Variants in WASHC2C observed in about 807,000 individuals in gnomAD.
WASHC2C encodes the protein WASH complex subunit 2C, also known as Vaccinia Penetration Factor.
WASHC2C carries 73 observed loss-of-function variants against 142.2 expected under a neutral mutation model. The ratio of observed to expected loss-of-function variants is 0.51; its 90% CI spans 0.43 to 0.62. WASHC2C has a LOEUF of 0.62. Ranked by LOEUF, WASHC2C falls within the 20% of genes least tolerant of loss-of-function variation. The pLI is 0.00. For missense variants in WASHC2C, 969 were observed against 1,531.7 expected (o/e 0.63, Z 6.13); for synonymous variants, 337 against 565.5 (o/e 0.60, Z 5.73).
Position 45,787,909 on chromosome 10 carries a change from T to C in WASHC2C, c.3087+662T>C, listed in dbSNP as rs2442916. 1.0e-3 allele frequency among the ~76,000 whole-genome samples: 154 copies of C among 152,314 alleles called. 1 individual carries two copies. Among genetic ancestry groups the C allele is most frequent in the African/African-American group, 3.3e-3 (136 of 41,578 alleles). On this transcript the variant is annotated intron_variant, in intron 28 of 30. Coordinates refer to ENST00000623400, the MANE Select transcript of WASHC2C (RefSeq NM_001330074.2). Reference sequence around the variant, plus strand: ...GGGATCTCCTCAATGGACTGTGAACTCTTTGAAGTTTTCCTTTCATTGTAG... The same window carrying C: ...GGGATCTCCTCAATGGACTGTGAACCCTTTGAAGTTTTCCTTTCATTGTAG...
At chr10:45,749,188 G>A (rs1465821845) in intron 8 of WASHC2C, among the ~76,000 whole-genome samples, 8 of 151,716 alleles carry the variant, frequency 5.3e-5, no homozygotes, top group South Asian at 2.1e-4. Flanking sequence ...TAATCCCAGC[G>A]CTTTGGGAAG....
intron 5 of WASHC2C, among the ~76,000 whole-genome samples, chr10:45,742,978 G>A (rs1283764785): frequency 1.3e-5 from 2 of 150,968 alleles, no homozygotes; most frequent in Non-Finnish European, 2.9e-5. Flanking sequence ...GGGTTCAAGT[G>A]ATTCTCCTGC....
intron 29 of WASHC2C, among the ~76,000 whole-genome samples, 193 bp downstream of exon 29, chr10:45,789,684 A>G (rs2058279652): frequency 6.6e-6 from 1 of 152,232 alleles, no homozygotes; most frequent in African/African-American, 2.4e-5. Flanking sequence ...TGTTGCATGT[A>G]GAATGTATTT....
chr10:45,759,425 G>A, intron 17 of WASHC2C, 24 bp downstream of exon 17: 1 of 1,440,396 alleles, frequency 6.9e-7, no homozygotes, highest in Non-Finnish European at 9.5e-7. Flanking sequence ...TTGCTTAGTT[G>A]TGGGTATTAG....
At position 45,759,387 on chromosome 10, in the gene WASHC2C, G is replaced by C; in HGVS notation, c.1621G>C (p.Glu541Gln). 3.7e-6 allele frequency: 5 copies of C among 1,338,396 alleles called. No homozygotes were observed. Among genetic ancestry groups the C allele is most frequent in the Non-Finnish European group, 4.9e-6 (5 of 1,015,326 alleles). The allele number at this position is 1,338,396 out of a possible 1,614,324, so 82.9% of individuals were successfully genotyped here. ...GACTCAAAAAGGCTTATTTTCAGAT[G>C]AGGAGGACTCTGAGGTATGGAATTC... The part of the protein sequence containing the change: ...TKTQKGLFSD[E>Q]EDSEDLFSSQ... Residue 541 changes from glutamate to glutamine, a missense_variant, in exon 17 of 31, where the codon GAG (glutamate) becomes CAG (glutamine). By Grantham distance (29) the Glu-to-Gln change is conservative (BLOSUM62 2). Transcript: ENST00000623400.
intron 3 of WASHC2C, 38 bp downstream of exon 3, chr10:45,729,064 A>G: frequency 6.4e-7 from 1 of 1,562,698 alleles, no homozygotes; most frequent in Non-Finnish European, 8.7e-7. Context: ...CTTTTTTGGG[A>G]GTAGGAGATA....
intron 19 of WASHC2C, among the ~76,000 whole-genome samples, chr10:45,768,590 T>A (rs1452236660): frequency 1.3e-5 from 2 of 152,176 alleles, no homozygotes; most frequent in Non-Finnish European, 2.9e-5. Flanking sequence ...GTTCTTTGAT[T>A]TGAAGGGGTG....
Position 45,789,394 on chromosome 10 carries a change from A to G in WASHC2C, c.3611A>G (p.Asp1204Gly), listed in dbSNP as rs2058261575. Residue 1204 changes from aspartate to glycine, a missense_variant, in exon 29 of 31, where the codon GAT (aspartate) becomes GGT (glycine). Coordinates refer to ENST00000623400, the MANE Select transcript of WASHC2C (RefSeq NM_001330074.2). ...ACAAATCCCTTTCCTCTCCTGGAAG[A>G]TGAGGATGACCTCTTTACAGATCAG... is the stretch of plus-strand genomic sequence containing the variant. ...KKTNPFPLLE[D>G]EDDLFTDQKV... The G allele has an allele frequency of 6.2e-7, 1 of 1,611,958 alleles. No homozygotes were observed. Among genetic ancestry groups the G allele is most frequent in the Non-Finnish European group, 8.5e-7 (1 of 1,179,882 alleles).
rs1414401087 is a variant in WASHC2C, at chr10:45,790,406, G to T, written c.3759G>T (p.Glu1253Asp). Residue 1253 changes from glutamate to aspartate, a missense_variant, in exon 30 of 31, where the codon GAG (glutamate) becomes GAT (aspartate). Transcript: ENST00000623400. Reference sequence around the variant, plus strand: ...TTAAACCCTCTCAGAAAACCAGAGAGAAGGAGAAAACATTGGAATCTAATT... The same window carrying T: ...TTAAACCCTCTCAGAAAACCAGAGATAAGGAGAAAACATTGGAATCTAATT... The part of the protein sequence containing the change: ...EAIKPSQKTR[E>D]KEKTLESNLF... The T allele has an allele frequency of 6.2e-7, 1 of 1,610,964 alleles. No homozygotes were observed. The highest frequency in any genetic ancestry group is 2.2e-5 in the East Asian group (1 of 44,886).
intron 3 of WASHC2C, among the ~76,000 whole-genome samples, chr10:45,734,303 C>CT (rs782068437): frequency 1.1e-4 from 16 of 151,616 alleles, no homozygotes; most frequent in Middle Eastern, 3.2e-3. Context: ...AACCATTGAA[C>CT]TTTTCAGTGT....
intron 4 of WASHC2C, among the ~76,000 whole-genome samples, chr10:45,739,646 ATG>A (rs1284042429): frequency 6.6e-6 from 1 of 151,828 alleles, no homozygotes; most frequent in Non-Finnish European, 1.5e-5. Flanking sequence ...TAATTGAAAA[ATG>A]AGACCTCTGT....
rs573284786 is a variant in WASHC2C, at chr10:45,749,834, A to T, written c.733-262A>T. On this transcript the variant is annotated intron_variant, in intron 8 of 30. Transcript: ENST00000623400. ...GAGCAAGACTCCATCTCAAAAAAAA[A>T]AAATATATATATATATATATATTTA... Among the ~76,000 whole-genome samples the T allele has an allele frequency of 1.3e-3, 82 of 62,846 alleles. 3 individuals are homozygous for T. Among genetic ancestry groups the T allele is most frequent in the East Asian group, 8.6e-3 (15 of 1,742 alleles). 41.2% of individuals were successfully genotyped at this position (62,846 alleles called of 152,430 possible). A position where few individuals can be genotyped will look rare whatever the true frequency, so the allele number is the denominator to read the frequency against.
At chr10:45,747,846 G>A (rs1467516005) in intron 8 of WASHC2C, among the ~76,000 whole-genome samples, 1 of 150,512 alleles carries the variant, frequency 6.6e-6, no homozygotes, top group African/African-American at 2.5e-5. Flanking sequence ...TGCCCTCCCA[G>A]AGTACTGGGA....
intron 2 of WASHC2C, 78 bp downstream of exon 2, chr10:45,727,617 G>C (rs2050020403): frequency 6.9e-7 from 1 of 1,455,120 alleles, no homozygotes; most frequent in Non-Finnish European, 9.1e-7. Flanking sequence ...GACCGCGACT[G>C]CCCCTGCACC....
At chr10:45,764,906 C>CTTAAT (rs1358494117) in intron 18 of WASHC2C, among the ~76,000 whole-genome samples, 1 of 151,786 alleles carries the variant, frequency 6.6e-6, no homozygotes, top group Non-Finnish European at 1.5e-5. Flanking sequence ...CCGCACTCTC[C>CTTAAT]TTAAAGGAGA....
chr10:45,769,968 C>T (rs1346871291), intron 20 of WASHC2C, among the ~76,000 whole-genome samples: 11 of 151,874 alleles, frequency 7.2e-5, no homozygotes, highest in African/African-American at 1.9e-4. Context: ...AGGCCAGGCA[C>T]GTTGGCTCAC....
At chr10:45,790,307 A>G (rs1341744531) in intron 29 of WASHC2C, 49 bp from the exon 30 acceptor site, 1 of 1,609,204 alleles carries the variant, frequency 6.2e-7, no homozygotes, top group East Asian at 2.2e-5. Context: ...TGAGTTTAAA[A>G]AGAAAAATTG....
intron 4 of WASHC2C, 55 bp downstream of exon 4, chr10:45,738,100 A>G: frequency 6.2e-7 from 1 of 1,611,036 alleles, no homozygotes; most frequent in South Asian, 1.1e-5. Context: ...AGTGTGGTGG[A>G]GATCGATGTG....
chr10:45,746,392 G>A (rs1487963450), intron 7 of WASHC2C, among the ~76,000 whole-genome samples: 33 of 152,216 alleles, frequency 2.2e-4, no homozygotes, highest in African/African-American at 7.9e-4. Context: ...ATGTTAACTG[G>A]AACAACCCTT....
Sources: gnomAD v4.1 joint callset for allele counts (sites outside exome capture counted in the v4.1 genomes callset) on GRCh38, gnomAD v4.1.1 for gene constraint, MANE v1.5 for transcripts, NCBI Gene and HGNC (gene_info 2026-07-23, HGNC 2026-07-21) for gene names.